TAAR5: variants seen among roughly 807,000 people sequenced by gnomAD.
TAAR5 encodes the protein trace amine-associated receptor 5.
A neutral mutation model predicts 21.1 loss-of-function variants in TAAR5; 27 were observed. The observed-to-expected ratio is 1.28, with a 90% CI of 0.94 to 1.76. The LOEUF is 1.76. Among genes scored for constraint, TAAR5 ranks in the 40% most tolerant of loss-of-function variants. The pLI, the probability that TAAR5 is intolerant of heterozygous loss-of-function variation, is 0.00. For synonymous variants in TAAR5, 203 were observed against 167.5 expected (o/e 1.21, Z -1.64); for missense variants, 495 against 405.6 (o/e 1.22, Z -1.89).
chr6:132,593,560 C>T (rs1468556566), upstream of TAAR5, among the ~76,000 whole-genome samples: 1 of 152,090 alleles, frequency 6.6e-6, no homozygotes, highest in Non-Finnish European at 1.5e-5. Context: ...CTCTCCTTGG[C>T]CTAGCCTAGG....
At chr6:132,607,683 C>T in the TAAR5 span, among the ~76,000 whole-genome samples, 1 of 152,168 alleles carries the variant, frequency 6.6e-6, no homozygotes, top group South Asian at 2.1e-4. Context: ...AATCAACCTG[C>T]TTCACCTATG....
chr6:132,594,983 G>A, the TAAR5 span: 1 of 152,210 alleles, frequency 6.6e-6, no homozygotes, highest in Admixed American at 6.6e-5. Flanking sequence ...AGTAGAAAGA[G>A]TTCTATGACA....
At position 132,589,180 on chromosome 6, in the gene TAAR5, G is replaced by C. The variant is rs1352629912; in HGVS notation, c.507C>G (p.Phe169Leu). Residue 169 changes from phenylalanine (F) to leucine (L), a missense_variant, in exon 1 of 1, where the codon TTC becomes TTG. Physicochemically the swap from Phe to Leu is conservative, Grantham distance 22 (BLOSUM62 0). Transcript: ENST00000258034. ...WGVPAAYTSL[F>L]LYTDVVETRL... The stretch of plus-strand genomic sequence containing the variant: ...TTGTCTCTACCACATCTGTGTAGAG[G>C]AATAACGAAGTGTATGCTGCGGGCA... 1.2e-6 allele frequency: 2 copies of C among 1,607,070 alleles called. No homozygotes were observed. Among genetic ancestry groups the C allele is most frequent in the Non-Finnish European group, 1.7e-6 (2 of 1,176,666 alleles).
chr6:132,614,165 T>TA, the TAAR5 span, among the ~76,000 whole-genome samples: 9 of 152,206 alleles, frequency 5.9e-5, no homozygotes, highest in African/African-American at 2.2e-4. Flanking sequence ...AATTCTCCTT[T>TA]AAATTCTAAC....
chr6:132,600,417 A>G, the TAAR5 span, among the ~76,000 whole-genome samples: 6 of 152,132 alleles, frequency 3.9e-5, no homozygotes, highest in Non-Finnish European at 5.9e-5. Flanking sequence ...TGGCATGAAG[A>G]TGACTCCTCA....
rs1458285107 is a variant in TAAR5 at position 132,588,860 on chromosome 6, C to A, written c.827G>T (p.Ser276Ile). ...TGGGGGTGTGATAAAGTGAAGGAGG[C>A]TGTCGACCATCGTGTCTATGGTGAA... Reference protein sequence around the residue: ...LPFTIDTMVDSLLHFITPPLV... With the variant: ...LPFTIDTMVDILLHFITPPLV... The change falls in exon 1 of 1, where the codon AGC becomes ATC. Residue 276 changes from serine (S) to isoleucine (I), a missense_variant. Coordinates refer to ENST00000258034, the MANE Select transcript of TAAR5 (RefSeq NM_003967.3). The A allele has an allele frequency of 6.2e-7, 1 of 1,614,050 alleles. No individual in the cohort carries two copies. The highest frequency in any genetic ancestry group is 1.7e-5 in the Admixed American group (1 of 60,010).
At chr6:132,613,202 C>A in the TAAR5 span, among the ~76,000 whole-genome samples, 1 of 152,182 alleles carries the variant, frequency 6.6e-6, no homozygotes, top group Non-Finnish European at 1.5e-5. Flanking sequence ...AGTAAGAACA[C>A]AATGAGGCTC....
In TAAR5 at chr6:132,589,604, A is replaced by G; in HGVS notation, c.83T>C (p.Val28Ala). 6.2e-7 allele frequency: 1 copy of G among 1,614,004 alleles called. No homozygotes were observed. ...YQVNGSCPRTVHTLGIQLVIY... is the reference protein window; with the variant it reads ...YQVNGSCPRTAHTLGIQLVIY... ...GACCAACTGGATGCCCAGAGTATGT[A>G]CTGTCCTGGGGCAAGACCCATTCAC... is the stretch of plus-strand genomic sequence containing the variant. Residue 28 changes from valine to alanine, a missense_variant, in exon 1 of 1, where the codon GTA (valine) becomes GCA (alanine). Physicochemically the swap from Val to Ala is moderately conservative, Grantham distance 64. Coordinates refer to ENST00000258034, the MANE Select transcript of TAAR5 (RefSeq NM_003967.3).
At chr6:132,595,817 A>G in the TAAR5 span, among the ~76,000 whole-genome samples, 1 of 152,168 alleles carries the variant, frequency 6.6e-6, no homozygotes, top group Non-Finnish European at 1.5e-5. Context: ...AAACAATAAA[A>G]TCTCCTCAAG....
At chr6:132,602,612 T>A in the TAAR5 span, among the ~76,000 whole-genome samples, 1 of 152,134 alleles carries the variant, frequency 6.6e-6, no homozygotes, top group Non-Finnish European at 1.5e-5. Flanking sequence ...GCTCAGTTCC[T>A]AACAGTCCAA....
At chr6:132,601,176 CA>C in the TAAR5 span, among the ~76,000 whole-genome samples, 1 of 143,626 alleles carries the variant, frequency 7.0e-6, no homozygotes, top group Non-Finnish European at 1.5e-5. Flanking sequence ...AAGGAAGAGA[CA>C]AAGAAAGAAA....
At chr6:132,604,217 C>T in the TAAR5 span, among the ~76,000 whole-genome samples, 3 of 146,402 alleles carry the variant, frequency 2.0e-5, no homozygotes, top group African/African-American at 7.7e-5. Context: ...GATCTAGGCT[C>T]ACTGCAACCT....
rs1300857009 is a variant in TAAR5 at position 132,589,183 on chromosome 6, T to A, written c.504A>T (p.Leu168Phe). 1 of 1,606,648 alleles carries A rather than the reference T, an allele frequency of 6.2e-7. No homozygotes were observed. The highest frequency in any genetic ancestry group is 2.2e-5 in the East Asian group (1 of 44,824). The change falls in exon 1 of 1, where the codon TTA becomes TTT. Residue 168 changes from leucine (L) to phenylalanine (F), a missense_variant. Physicochemically the swap from Leu to Phe is conservative, Grantham distance 22 (BLOSUM62 0). Transcript: ENST00000258034. ...TCTCTACCACATCTGTGTAGAGGAA[T>A]AACGAAGTGTATGCTGCGGGCACCC... ...GWGVPAAYTSLFLYTDVVETR... is the reference protein window; with the variant it reads ...GWGVPAAYTSFFLYTDVVETR...
At chr6:132,589,775 A>C, upstream of TAAR5, 1 of 872,470 alleles carries the variant, frequency 1.1e-6, no homozygotes, top group Non-Finnish European at 1.6e-6. Context: ...AAAAAAAAAA[A>C]ATATGTCTGC....
chr6:132,615,403 T>C, the TAAR5 span, among the ~76,000 whole-genome samples: 2 of 152,300 alleles, frequency 1.3e-5, no homozygotes, highest in East Asian at 1.9e-4. Flanking sequence ...TTTTTATTTT[T>C]ACTTCAGTGA....
rs753586312 is a variant in TAAR5 at position 132,589,584 on chromosome 6, A to G, written c.103T>C (p.Leu35=). 16 of 1,613,926 alleles carry G rather than the reference A, an allele frequency of 9.9e-6. No homozygotes were observed. Among genetic ancestry groups the G allele is most frequent in the African/African-American group, 1.3e-5 (1 of 74,970 alleles). The change falls in exon 1 of 1, where the codon TTG becomes CTG. Residue 35 remains leucine, a synonymous_variant. Coordinates refer to ENST00000258034, the MANE Select transcript of TAAR5 (RefSeq NM_003967.3). ...GCTGCACAGGCCAGGTAGATGACCA[A>G]CTGGATGCCCAGAGTATGTACTGTC... ...PRTVHTLGIQ[L]VIYLACAAGM...
In TAAR5 at chr6:132,588,797, T is replaced by C; in HGVS notation, c.890A>G (p.Asn297Ser). ...ATAGATGATGGGGTTGCAGGCTGAGTTGAAGTAAGCAAACCAGATAAAGAT... is the reference window on the plus strand; with the variant it reads ...ATAGATGATGGGGTTGCAGGCTGAGCTGAAGTAAGCAAACCAGATAAAGAT... ...FDIFIWFAYF[N>S]SACNPIIYVF... Residue 297 changes from asparagine to serine, a missense_variant, in exon 1 of 1, where the codon AAC becomes AGC. Asn to Ser is a conservative substitution (Grantham distance 46). Coordinates refer to ENST00000258034, the MANE Select transcript of TAAR5 (RefSeq NM_003967.3). The C allele has an allele frequency of 6.2e-7, 1 of 1,613,880 alleles. No individual in the cohort carries two copies. Among genetic ancestry groups the C allele is most frequent in the Non-Finnish European group, 8.5e-7 (1 of 1,179,970 alleles).
chr6:132,589,174 G>T lies in TAAR5; in HGVS notation c.513C>A (p.Tyr171Ter). The change falls in exon 1 of 1, where the codon TAC becomes TAA. Residue 171 changes from tyrosine to a stop codon, truncating the protein, a stop_gained. Coordinates refer to ENST00000258034, the MANE Select transcript of TAAR5 (RefSeq NM_003967.3). LOFTEE classifies it high-confidence loss of function. ...TGAGCCTTGTCTCTACCACATCTGT[G>T]TAGAGGAATAACGAAGTGTATGCTG... ...VPAAYTSLFL[Y>*]TDVVETRLSQ... 6.2e-7 allele frequency: 1 copy of T among 1,608,536 alleles called. No individual in the cohort carries two copies. The highest frequency in any genetic ancestry group is 8.5e-7 in the Non-Finnish European group (1 of 1,177,340).
the TAAR5 span, among the ~76,000 whole-genome samples, chr6:132,599,705 C>T: frequency 2.6e-5 from 4 of 152,194 alleles, no homozygotes; most frequent in Admixed American, 2.0e-4. Flanking sequence ...TTATTATGTC[C>T]TCTGTGGATA....
Sources: gnomAD v4.1 joint callset for allele counts (sites outside exome capture counted in the v4.1 genomes callset) on GRCh38, gnomAD v4.1.1 for gene constraint, MANE v1.5 for transcripts, NCBI Gene and HGNC (gene_info 2026-07-23, HGNC 2026-07-21) for gene names.